The following SH3PXD2A variants were observed in gnomAD, a reference collection of about 807,000 sequenced individuals.
SH3PXD2A encodes SH3 and PX domains 2A.
SH3PXD2A carries 32 observed loss-of-function variants against 115.2 expected under a neutral mutation model. That is an observed-to-expected ratio of 0.28 (90% confidence interval 0.21 to 0.37). The LOEUF (loss-of-function observed/expected upper bound fraction) is 0.37, where lower values mean the gene tolerates loss of function less well. Among genes scored for constraint, SH3PXD2A ranks in the 10% least tolerant of loss-of-function variants. The pLI is 1.00. For missense variants in SH3PXD2A, 1,328 were observed against 1,498.7 expected, an observed-to-expected ratio of 0.89 and a Z score of 1.88; for synonymous variants, 610 against 629.1, an observed-to-expected ratio of 0.97 and a Z score of 0.45.
chr10:103,853,001 G>C (rs1034597771), intron 1 of SH3PXD2A, among the ~76,000 whole-genome samples: 4 of 152,128 alleles, frequency 2.6e-5, no homozygotes, highest in Non-Finnish European at 4.4e-5. Flanking sequence ...GTCTCTGCCC[G>C]TTCCACAATT....
At chr10:103,831,336 G>T (rs1275076537) in intron 1 of SH3PXD2A, among the ~76,000 whole-genome samples, 5 of 152,252 alleles carry the variant, frequency 3.3e-5, no homozygotes, top group African/African-American at 9.6e-5. Flanking sequence ...GTTCCAAGTG[G>T]TAGCCATTAG....
intron 6 of SH3PXD2A, among the ~76,000 whole-genome samples, chr10:103,680,133 C>T (rs542931600): frequency 1.3e-5 from 2 of 151,888 alleles, no homozygotes; most frequent in East Asian, 1.9e-4. Flanking sequence ...GCGCCCACCA[C>T]GACACCAAGC....
intron 8 of SH3PXD2A, among the ~76,000 whole-genome samples, chr10:103,647,686 C>A (rs1468263470): frequency 6.6e-6 from 1 of 152,108 alleles, no homozygotes; most frequent in East Asian, 1.9e-4. Flanking sequence ...CCATGCAAAG[C>A]CCAGGTGCCG....
At chr10:103,606,667 G>A (rs976989535) in intron 13 of SH3PXD2A, among the ~76,000 whole-genome samples, 1 of 152,124 alleles carries the variant, frequency 6.6e-6, no homozygotes, top group Non-Finnish European at 1.5e-5. Flanking sequence ...ACTGGTTTTC[G>A]TGTTTTTTTG....
chr10:103,605,563 G>A (rs1277244760), intron 14 of SH3PXD2A, among the ~76,000 whole-genome samples: 1 of 152,210 alleles, frequency 6.6e-6, no homozygotes, highest in East Asian at 1.9e-4. Context: ...CATGCTCTGG[G>A]AAATGTTGTG....
At chr10:103,730,956 C>G (rs1245253414) in intron 4 of SH3PXD2A, among the ~76,000 whole-genome samples, 1 of 152,310 alleles carries the variant, frequency 6.6e-6, no homozygotes, top group African/African-American at 2.4e-5. Context: ...AATGTGCACC[C>G]AGGCAGGGGA....
intron 3 of SH3PXD2A, among the ~76,000 whole-genome samples, chr10:103,752,797 T>C (rs879619078): frequency 1.3e-5 from 2 of 152,228 alleles, no homozygotes; most frequent in Non-Finnish European, 2.9e-5. Context: ...TGATTATCAT[T>C]ACAGAGTTAC....
chr10:103,824,099 C>T (rs1589471876), intron 1 of SH3PXD2A, among the ~76,000 whole-genome samples: 1 of 152,166 alleles, frequency 6.6e-6, no homozygotes, highest in Non-Finnish European at 1.5e-5. Flanking sequence ...TGTGCCTGAC[C>T]TGGCACTCCC....
chr10:103,798,591 G>A (rs575351865), intron 2 of SH3PXD2A, among the ~76,000 whole-genome samples: 3 of 152,322 alleles, frequency 2.0e-5, no homozygotes, highest in African/African-American at 4.8e-5. Flanking sequence ...GGGGTCTGTG[G>A]CCCCCAGGAG....
At chr10:103,605,988 C>T (rs1031366639) in intron 13 of SH3PXD2A, 71 bp from the exon 14 acceptor site, 15 of 1,551,556 alleles carry the variant, frequency 9.7e-6, no homozygotes, top group Non-Finnish European at 1.3e-5. Flanking sequence ...AGGGTTGGTC[C>T]CCACTCAGTC....
chr10:103,685,634 A>T (rs1200427308), intron 6 of SH3PXD2A, among the ~76,000 whole-genome samples: 1 of 152,182 alleles, frequency 6.6e-6, no homozygotes, highest in Non-Finnish European at 1.5e-5. Context: ...TGCTTCCTCT[A>T]GGCCAGGCAC....
chr10:103,791,046 C>A (rs534931267), intron 2 of SH3PXD2A, among the ~76,000 whole-genome samples: 1 of 152,350 alleles, frequency 6.6e-6, no homozygotes, highest in African/African-American at 2.4e-5. Context: ...GTGATGCCCC[C>A]AAGGCTCCTA....
chr10:103,842,231 C>T (rs1453110714), intron 1 of SH3PXD2A, among the ~76,000 whole-genome samples: 5 of 131,782 alleles, frequency 3.8e-5, no homozygotes, highest in African/African-American at 1.4e-4. Context: ...ATCTCATACA[C>T]TATGTTTTTG....
rs143689342 is a variant in SH3PXD2A, at chr10:103,613,398, T to C, written c.921-208A>G. On this transcript the variant is annotated intron_variant, in intron 11 of 14. Coordinates refer to ENST00000369774, the MANE Select transcript of SH3PXD2A (RefSeq NM_001394015.1). ...ACCAATTCCCACTGCCCCCCCACCA[T>C]GCTCCTTTTTCTTTGCCTGATCCCT... Among the ~76,000 whole-genome samples the C allele has an allele frequency of 1.6e-3, 249 of 152,352 alleles. 1 individual carries two copies. The highest frequency in any genetic ancestry group is 5.8e-3 in the African/African-American group (240 of 41,586).
intron 6 of SH3PXD2A, among the ~76,000 whole-genome samples, chr10:103,674,835 C>CAAAT (rs1211389056): frequency 6.6e-6 from 1 of 151,958 alleles, no homozygotes; most frequent in East Asian, 1.9e-4. Flanking sequence ...AACAAACAAA[C>CAAAT]AAACAAACAA....
At chr10:103,668,186 C>T (rs1380411105) in intron 7 of SH3PXD2A, among the ~76,000 whole-genome samples, 1 of 152,242 alleles carries the variant, frequency 6.6e-6, no homozygotes, top group African/African-American at 2.4e-5. Context: ...TGGCTGGGCT[C>T]TCTCACTGAG....
At chr10:103,708,814 G>A (rs1423657535) in intron 5 of SH3PXD2A, among the ~76,000 whole-genome samples, 1 of 152,112 alleles carries the variant, frequency 6.6e-6, no homozygotes, top group Non-Finnish European at 1.5e-5. Flanking sequence ...GATCCTCGTG[G>A]CTGCCAGGAC....
At chr10:103,676,361 G>A (rs969026011) in intron 6 of SH3PXD2A, among the ~76,000 whole-genome samples, 1 of 152,284 alleles carries the variant, frequency 6.6e-6, no homozygotes, top group African/African-American at 2.4e-5. Flanking sequence ...CTGCTCAGGC[G>A]GGGGATGGGG....
chr10:103,725,249 G>A lies in SH3PXD2A; in HGVS notation c.307-888C>T, dbSNP rs142080781. Among the ~76,000 whole-genome samples, 485 of 152,352 alleles carry A rather than the reference G, an allele frequency of 3.2e-3. 1 individual carries two copies. Among genetic ancestry groups the A allele is most frequent in the Middle Eastern group, 0.014 (4 of 294 alleles). On this transcript the variant is annotated intron_variant, in intron 4 of 14. Transcript: ENST00000369774. ...CGGCCTGAGGACCCAGAGCAAGGGA[G>A]AGGGGCCATAGGAGGTGGGCAGGGG...
Sources: gnomAD v4.1 joint callset for allele counts (sites outside exome capture counted in the v4.1 genomes callset) on GRCh38, gnomAD v4.1.1 for gene constraint, MANE v1.5 for transcripts, NCBI Gene and HGNC (gene_info 2026-07-23, HGNC 2026-07-21) for gene names.